The following CEP170 variants were observed in gnomAD, a reference collection of about 807,000 sequenced individuals.
The protein encoded by CEP170 is centrosomal protein 170.
Under a neutral mutation model 151.9 loss-of-function variants are expected in CEP170, and 21 were observed. The ratio of observed to expected loss-of-function variants is 0.14; its 90% CI spans 0.10 to 0.20. The LOEUF (loss-of-function observed/expected upper bound fraction) is 0.20. Ranked by LOEUF, CEP170 falls within the 10% of genes least tolerant of loss-of-function variation. The pLI is 1.00. For synonymous variants in CEP170, 356 were observed against 648.8 expected, an observed-to-expected ratio of 0.55 and a Z score of 6.86; for missense variants, 964 against 1,892.9, an observed-to-expected ratio of 0.51 and a Z score of 9.11.
intron 13 of CEP170, among the ~76,000 whole-genome samples, chr1:243,163,880 G>A (rs944847745): frequency 6.6e-6 from 1 of 152,210 alleles, no homozygotes; most frequent in Non-Finnish European, 1.5e-5. Context: ...TGAATTATGT[G>A]AGGATATTTA....
intron 13 of CEP170, among the ~76,000 whole-genome samples, chr1:243,160,159 GAAAAA>G (rs2057948293): frequency 6.6e-6 from 1 of 152,130 alleles, no homozygotes; most frequent in African/African-American, 2.4e-5. Flanking sequence ...CTGTGTTGAA[GAAAAA>G]ATTTATTTCT....
chr1:243,165,185 T>C lies in CEP170; in HGVS notation c.2775A>G (p.Arg925=). Reference sequence around the variant, plus strand: ...CAGATTCTGGTGAAATAGAATTGTCTCTATTATAACTGGGAGTATCTGGTC... The same window carrying C: ...CAGATTCTGGTGAAATAGAATTGTCCCTATTATAACTGGGAGTATCTGGTC... The part of the protein sequence containing the change: ...DEGPDTPSYN[R]DNSISPESDV... Residue 925 remains arginine (R), a synonymous_variant, in exon 13 of 20, where the codon AGA becomes AGG. Transcript: ENST00000366542. 1 of 1,613,750 alleles carries C rather than the reference T, an allele frequency of 6.2e-7. No individual in the cohort carries two copies.
intron 10 of CEP170, among the ~76,000 whole-genome samples, chr1:243,180,167 T>TA (rs1313928090): frequency 6.6e-6 from 1 of 152,138 alleles, no homozygotes; most frequent in East Asian, 1.9e-4. Context: ...TATGAGAAGC[T>TA]AGGCATGCCA....
At chr1:243,252,332 C>T (rs933970732) in intron 1 of CEP170, among the ~76,000 whole-genome samples, 1 of 152,038 alleles carries the variant, frequency 6.6e-6, no homozygotes, top group Non-Finnish European at 1.5e-5. Context: ...AAAGAAAAGT[C>T]TTTACCTATT....
chr1:243,137,209 C>T (rs893010986), intron 16 of CEP170, among the ~76,000 whole-genome samples: 1 of 152,096 alleles, frequency 6.6e-6, no homozygotes, highest in Non-Finnish European at 1.5e-5. Context: ...AAGCCCTAGG[C>T]CAAATCATGA....
chr1:243,219,651 G>T (rs569843756), intron 3 of CEP170, among the ~76,000 whole-genome samples: 1 of 152,226 alleles, frequency 6.6e-6, no homozygotes, highest in South Asian at 2.1e-4. Flanking sequence ...ACAATGTAAA[G>T]ACATACAGAC....
chr1:243,162,742 T>C (rs931188108), intron 13 of CEP170, among the ~76,000 whole-genome samples: 41 of 152,192 alleles, frequency 2.7e-4, no homozygotes, highest in African/African-American at 9.4e-4. Context: ...GACAGGAAAA[T>C]ACATACATAT....
At chr1:243,167,848 C>T (rs1375095929) in intron 12 of CEP170, among the ~76,000 whole-genome samples, 1 of 151,706 alleles carries the variant, frequency 6.6e-6, no homozygotes, top group Non-Finnish European at 1.5e-5. Context: ...CTACTTTACC[C>T]TTTTGTATTT....
intron 19 of CEP170, 25 bp from the exon 20 acceptor site, chr1:243,126,763 T>G (rs1402729203): frequency 6.4e-7 from 1 of 1,561,124 alleles, no homozygotes; most frequent in East Asian, 2.3e-5. Flanking sequence ...AAGGAAATAA[T>G]TTTAGATGCA....
chr1:243,189,360 T>C (rs748470682), intron 8 of CEP170, among the ~76,000 whole-genome samples: 3 of 151,856 alleles, frequency 2.0e-5, no homozygotes, highest in South Asian at 2.1e-4. Flanking sequence ...ATCAAGACCA[T>C]CCTGGCTAAC....
intron 4 of CEP170, among the ~76,000 whole-genome samples, chr1:243,206,727 TAATAAC>T (rs1048057279): frequency 1.3e-5 from 2 of 152,242 alleles, no homozygotes; most frequent in Non-Finnish European, 2.9e-5. Flanking sequence ...GACTTTTTAC[TAATAAC>T]AATGTAGTAT....
At chr1:243,234,332 C>G (rs2064064980) in intron 1 of CEP170, among the ~76,000 whole-genome samples, 1 of 152,164 alleles carries the variant, frequency 6.6e-6, no homozygotes, top group Non-Finnish European at 1.5e-5. Context: ...TTGGTACCAA[C>G]AGGCATGAAA....
intron 7 of CEP170, among the ~76,000 whole-genome samples, chr1:243,194,356 T>A (rs2060502629): frequency 6.6e-6 from 1 of 151,930 alleles, no homozygotes; most frequent in African/African-American, 2.4e-5. Flanking sequence ...TATATCAATA[T>A]TGCTATTGCT....
chr1:243,190,936 G>A (rs555350393), intron 8 of CEP170, 82 bp downstream of exon 8: 16 of 1,427,974 alleles, frequency 1.1e-5, no homozygotes, highest in South Asian at 1.5e-5. Flanking sequence ...TACCATGTAA[G>A]TATCTACTAG....
intron 4 of CEP170, among the ~76,000 whole-genome samples, chr1:243,209,492 T>C (rs1183040708): frequency 2.0e-5 from 3 of 152,134 alleles, no homozygotes; most frequent in African/African-American, 4.8e-5. Flanking sequence ...CAGCCTGCTG[T>C]AGCTTTTTAA....
At chr1:243,226,166 T>C (rs2063264598) in intron 1 of CEP170, among the ~76,000 whole-genome samples, 1 of 90,610 alleles carries the variant, frequency 1.1e-5, no homozygotes, top group South Asian at 4.5e-4. Flanking sequence ...TATCTCTCTA[T>C]AGATATATAT....
chr1:243,254,790 G>A (rs1342116570), intron 1 of CEP170, among the ~76,000 whole-genome samples: 2 of 151,778 alleles, frequency 1.3e-5, no homozygotes, highest in Non-Finnish European at 2.9e-5. Context: ...GAGCTCCGGG[G>A]GGCGGCGGGT....
Position 243,186,045 on chromosome 1 carries a change from G to A in CEP170, c.1300C>T (p.His434Tyr), listed in dbSNP as rs1045175907. The A allele has an allele frequency of 2.5e-6, 4 of 1,613,590 alleles. No individual in the cohort carries two copies. The African/African-American group carries it at 5.3e-5, about 22-fold the overall frequency. Residue 434 changes from histidine (H) to tyrosine (Y), a missense_variant, in exon 10 of 20, where the codon CAT becomes TAT. By Grantham distance (83) the His-to-Tyr change is moderately conservative. Transcript: ENST00000366542. Reference protein sequence around the residue: ...VTSSAHHRGGHGVPHGKLLKQ... With the variant: ...VTSSAHHRGGYGVPHGKLLKQ... ...AACAATTTCCCATGTGGAACACCAT[G>A]CCCCCCTCTGTGATGCGCAGAGCTA...
chr1:243,147,911 T>C (rs1348971559), intron 14 of CEP170, among the ~76,000 whole-genome samples: 8 of 152,212 alleles, frequency 5.3e-5, no homozygotes, highest in African/African-American at 1.7e-4. Flanking sequence ...CTGGGCACAG[T>C]GGCTCACGCC....
Sources: gnomAD v4.1 joint callset for allele counts (sites outside exome capture counted in the v4.1 genomes callset) on GRCh38, gnomAD v4.1.1 for gene constraint, MANE v1.5 for transcripts, NCBI Gene and HGNC (gene_info 2026-07-23, HGNC 2026-07-21) for gene names.